The following CD2AP variants were observed in gnomAD, a reference collection of about 807,000 sequenced individuals.
The protein encoded by CD2AP is CD2 associated protein, also known as CD2-associated protein.
Under a neutral mutation model 85.1 loss-of-function variants are expected in CD2AP, and 46 were observed. The observed-to-expected ratio is 0.54, with a 90% CI of 0.43 to 0.69. The LOEUF (loss-of-function observed/expected upper bound fraction) is 0.69. CD2AP is among the 30% of genes least tolerant of loss of function. The pLI is 0.00. For synonymous variants in CD2AP, 255 were observed against 252.9 expected, an observed-to-expected ratio of 1.01 and a Z score of -0.08; for missense variants, 769 against 729.5, an observed-to-expected ratio of 1.05 and a Z score of -0.62.
rs563575526 is a variant in CD2AP at position 47,593,618 on chromosome 6, T to C, written c.1109-2243T>C. On this transcript the variant is annotated intron_variant, in intron 11 of 17. Coordinates refer to ENST00000359314, the MANE Select transcript of CD2AP (RefSeq NM_012120.3). ...ACAGCGAGCACCACTTCACACCCAC[T>C]GAGATGGTTAAAAATTTTTTTAAGA... 2.0e-5 allele frequency among the ~76,000 whole-genome samples: 3 copies of C among 152,154 alleles called. No homozygotes were observed. In the South Asian group the frequency reaches 6.2e-4, roughly 32 times the overall value.
At chr6:47,487,253 C>T (rs540272026) in intron 1 of CD2AP, among the ~76,000 whole-genome samples, 32 of 152,140 alleles carry the variant, frequency 2.1e-4, no homozygotes, top group Non-Finnish European at 2.9e-4. Flanking sequence ...TTTCAGAATG[C>T]GTGTCAAATG....
intron 2 of CD2AP, among the ~76,000 whole-genome samples, chr6:47,521,511 C>T (rs1766594418): frequency 6.6e-6 from 1 of 151,904 alleles, no homozygotes; most frequent in African/African-American, 2.4e-5. Flanking sequence ...GAAATCGCAC[C>T]AGTGCACTCC....
At position 47,537,632 on chromosome 6, in the gene CD2AP, T is replaced by A. The variant is rs942429343; in HGVS notation, c.319+3877T>A. ...TATGCTACAGACATAATACATTACCTCTGATCACATTATCTTTTTCTTCAT... is the reference window on the plus strand; with the variant it reads ...TATGCTACAGACATAATACATTACCACTGATCACATTATCTTTTTCTTCAT... On this transcript the variant is annotated intron_variant, in intron 3 of 17. Transcript: ENST00000359314. Among the ~76,000 whole-genome samples the A allele has an allele frequency of 2.6e-5, 4 of 152,276 alleles. No individual in the cohort carries two copies. The East Asian group carries it at 7.7e-4, about 29-fold the overall frequency.
intron 17 of CD2AP, among the ~76,000 whole-genome samples, chr6:47,621,551 G>T (rs926757832): frequency 6.6e-6 from 1 of 152,168 alleles, no homozygotes; most frequent in Admixed American, 6.5e-5. Context: ...GGTGATGCTG[G>T]CTTCATAGAA....
chr6:47,551,061 A>G (rs1767505954), intron 4 of CD2AP, among the ~76,000 whole-genome samples: 1 of 152,110 alleles, frequency 6.6e-6, no homozygotes, highest in Non-Finnish European at 1.5e-5. Flanking sequence ...TGAGGGATAA[A>G]AGACTACAAA....
intron 13 of CD2AP, among the ~76,000 whole-genome samples, chr6:47,601,161 A>G (rs1203825264): frequency 1.3e-5 from 2 of 151,958 alleles, no homozygotes; most frequent in South Asian, 4.2e-4. Flanking sequence ...ATTTCAAACT[A>G]TTGATGATTG....
intron 1 of CD2AP, among the ~76,000 whole-genome samples, chr6:47,494,194 A>T (rs528581614): frequency 1.1e-4 from 16 of 152,246 alleles, no homozygotes; most frequent in African/African-American, 3.1e-4. Context: ...GTGAGGATTT[A>T]TATTTATCTG....
At chr6:47,601,889 A>G (rs1007983381) in intron 13 of CD2AP, among the ~76,000 whole-genome samples, 5 of 152,000 alleles carry the variant, frequency 3.3e-5, no homozygotes, top group South Asian at 4.1e-4. Context: ...GGTTTTATTT[A>G]CTAGTTGATT....
At chr6:47,512,164 A>T (rs1220223918) in intron 2 of CD2AP, among the ~76,000 whole-genome samples, 3 of 151,694 alleles carry the variant, frequency 2.0e-5, no homozygotes, top group African/African-American at 7.3e-5. Context: ...TCTGAAAAAA[A>T]AAATATATAT....
intron 17 of CD2AP, among the ~76,000 whole-genome samples, chr6:47,622,624 G>T (rs192474406): frequency 2.0e-5 from 3 of 152,290 alleles, no homozygotes; most frequent in Non-Finnish European, 4.4e-5. Context: ...CCAGTGCGGG[G>T]TGTGTGTTCG....
chr6:47,565,855 A>G (rs1288155756), intron 5 of CD2AP, among the ~76,000 whole-genome samples: 1 of 152,152 alleles, frequency 6.6e-6, no homozygotes, highest in Non-Finnish European at 1.5e-5. Context: ...GCCAGTAGTG[A>G]TCACCCTCCA....
At chr6:47,556,885 T>A (rs959345416) in intron 5 of CD2AP, among the ~76,000 whole-genome samples, 2 of 152,196 alleles carry the variant, frequency 1.3e-5, no homozygotes, top group African/African-American at 4.8e-5. Flanking sequence ...TTCTAGATCC[T>A]TGAGGAATTG....
intron 1 of CD2AP, among the ~76,000 whole-genome samples, chr6:47,493,530 C>A (rs970184386): frequency 6.6e-6 from 1 of 151,916 alleles, no homozygotes; most frequent in South Asian, 2.1e-4. Flanking sequence ...AAATGTGATA[C>A]ATCTAGGTGT....
intron 11 of CD2AP, among the ~76,000 whole-genome samples, chr6:47,582,781 T>C (rs939685953): frequency 1.2e-5 from 1 of 86,266 alleles, no homozygotes; most frequent in African/African-American, 3.8e-5. Flanking sequence ...GTTTTTTTTG[T>C]TTTTTTTTGT....
In CD2AP at chr6:47,517,465, A is replaced by G. The variant is rs1162055156; in HGVS notation, c.165+14025A>G. ...ACCATGCCTGGCTAATGTTTTTTCT[A>G]TTTTTTGTGGAGGTGGGGTTTGCCA... On this transcript the variant is annotated intron_variant, in intron 2 of 17. Transcript: ENST00000359314. 3.3e-5 allele frequency among the ~76,000 whole-genome samples: 5 copies of G among 151,222 alleles called. No homozygotes were observed. The East Asian group carries it at 7.8e-4, about 24-fold the overall frequency.
intron 2 of CD2AP, among the ~76,000 whole-genome samples, chr6:47,521,558 G>T (rs931990353): frequency 3.3e-5 from 5 of 152,162 alleles, no homozygotes; most frequent in Middle Eastern, 3.4e-3. Flanking sequence ...TCTCAAAAAA[G>T]AAATGGCACA....
intron 4 of CD2AP, among the ~76,000 whole-genome samples, chr6:47,550,084 T>A (rs2114054888): frequency 6.6e-6 from 1 of 152,308 alleles, no homozygotes; most frequent in Middle Eastern, 3.4e-3. Flanking sequence ...GACTTAAATC[T>A]AAGACCTGAA....
At chr6:47,515,505 G>A (rs1408917448) in intron 2 of CD2AP, among the ~76,000 whole-genome samples, 1 of 152,186 alleles carries the variant, frequency 6.6e-6, no homozygotes, top group Non-Finnish European at 1.5e-5. Flanking sequence ...CATAGGGAAT[G>A]TGTCATTCTT....
intron 11 of CD2AP, among the ~76,000 whole-genome samples, chr6:47,594,169 G>A (rs1238893068): frequency 1.3e-5 from 2 of 151,966 alleles, no homozygotes; most frequent in Non-Finnish European, 2.9e-5. Context: ...CTGGGGTGTT[G>A]GAAGTGTTTT....
Sources: gnomAD v4.1 joint callset for allele counts (sites outside exome capture counted in the v4.1 genomes callset) on GRCh38, gnomAD v4.1.1 for gene constraint, MANE v1.5 for transcripts, NCBI Gene and HGNC (gene_info 2026-07-23, HGNC 2026-07-21) for gene names.